Variants in TC2N observed in about 807,000 individuals in gnomAD.
TC2N encodes the protein tandem C2 domains nuclear protein.
In TC2N, 51 loss-of-function variants were observed where a neutral mutation model predicts 61.9. The ratio of observed to expected loss-of-function variants is 0.82; its 90% confidence interval spans 0.66 to 1.04. The LOEUF (loss-of-function observed/expected upper bound fraction) is 1.04, where lower values mean the gene tolerates loss of function less well. Among genes scored for constraint, TC2N ranks in the 50% least tolerant of loss-of-function variants. The pLI, the probability that TC2N is intolerant of heterozygous loss-of-function variation, is 0.00. For synonymous variants in TC2N, 204 were observed against 192.6 expected, an observed-to-expected ratio of 1.06 and a Z score of -0.49; for missense variants, 556 against 566.7, an observed-to-expected ratio of 0.98 and a Z score of 0.19.
chr14:91,844,593 C>G (rs1237101755), intron 1 of TC2N, among the ~76,000 whole-genome samples: 1 of 150,918 alleles, frequency 6.6e-6, no homozygotes, highest in Non-Finnish European at 1.5e-5. Context: ...GAAACCCCGT[C>G]TCTACTAAAA....
At chr14:91,789,629 A>G (rs1278269491) in intron 9 of TC2N, among the ~76,000 whole-genome samples, 1 of 148,330 alleles carries the variant, frequency 6.7e-6, no homozygotes, top group African/African-American at 2.5e-5. Context: ...AAAACAAAAA[A>G]AAAAAACAGA....
chr14:91,816,760 C>T (rs768048850), intron 1 of TC2N, among the ~76,000 whole-genome samples: 10 of 151,864 alleles, frequency 6.6e-5, no homozygotes, highest in Non-Finnish European at 1.3e-4. Flanking sequence ...AGCACAAACA[C>T]CACATATTAA....
intron 1 of TC2N, among the ~76,000 whole-genome samples, chr14:91,839,756 T>A (rs144228224): frequency 1.3e-5 from 2 of 152,362 alleles, no homozygotes; most frequent in Non-Finnish European, 2.9e-5. Context: ...AGCAGAAGCC[T>A]ATACATATTC....
rs1192098248 is a variant in TC2N, at chr14:91,781,139, A to C, written c.*1961T>G. The C allele has an allele frequency of 6.6e-6, 1 of 152,142 alleles. No homozygotes were observed. The highest frequency in any genetic ancestry group is 1.9e-4 in the East Asian group (1 of 5,206). 9.4% of individuals were successfully genotyped at this position (152,142 alleles called of 1,614,324 possible). On this transcript the variant is annotated 3_prime_UTR_variant, in exon 12 of 12. Transcript: ENST00000435962. Reference sequence around the variant, plus strand: ...TACATATATTAAATTTGGAAATTCAAAGCATTAATAGAACAGAGAAACCAG... The same window carrying C: ...TACATATATTAAATTTGGAAATTCACAGCATTAATAGAACAGAGAAACCAG...
Position 91,780,932 on chromosome 14 carries a change from A to C in TC2N, c.*2168T>G, listed in dbSNP as rs1885087561. ...AAACATTTAGGATCTTAGTTGTATC[A>C]ATACTTCTGTACCTGAAAGCTCTTT... On this transcript the variant is annotated 3_prime_UTR_variant, in exon 12 of 12. Transcript: ENST00000435962. The C allele has an allele frequency of 1.3e-5, 2 of 148,986 alleles. No homozygotes were observed. The highest frequency in any genetic ancestry group is 4.1e-4 in the South Asian group (2 of 4,830). The allele number at this position is 148,986 out of a possible 1,614,324, so 9.2% of individuals were successfully genotyped here.
At chr14:91,850,411 G>A (rs8005894) in intron 1 of TC2N, among the ~76,000 whole-genome samples, 74,361 of 152,020 alleles carry the variant, frequency 0.49, 18,521 homozygotes, top group African/African-American at 0.57. Context: ...CCCAGGCCAC[G>A]GATCAGTACC....
chr14:91,857,947 G>A (rs1323286832), intron 1 of TC2N, among the ~76,000 whole-genome samples: 1 of 151,038 alleles, frequency 6.6e-6, no homozygotes, highest in African/African-American at 2.4e-5. Context: ...GAATATTTGG[G>A]TTTTTGTTGT....
At chr14:91,845,870 G>A (rs553556809) in intron 1 of TC2N, among the ~76,000 whole-genome samples, 1 of 152,160 alleles carries the variant, frequency 6.6e-6, no homozygotes, top group Non-Finnish European at 1.5e-5. Flanking sequence ...CAGCCTCTGG[G>A]CTCAGGAGCC....
chr14:91,799,925 A>C (rs961015753), intron 5 of TC2N, among the ~76,000 whole-genome samples: 1 of 152,162 alleles, frequency 6.6e-6, no homozygotes, highest in Non-Finnish European at 1.5e-5. Context: ...AAAGTCCTAC[A>C]TCTCAAAAGA....
intron 1 of TC2N, among the ~76,000 whole-genome samples, chr14:91,866,890 G>A (rs1888714068): frequency 6.6e-6 from 1 of 152,242 alleles, no homozygotes; most frequent in Non-Finnish European, 1.5e-5. Flanking sequence ...CTCTAGAACT[G>A]TTTCCCAAAT....
At chr14:91,799,490 C>G (rs1458343220) in intron 5 of TC2N, among the ~76,000 whole-genome samples, 1 of 151,998 alleles carries the variant, frequency 6.6e-6, no homozygotes, top group East Asian at 1.9e-4. Flanking sequence ...CAAACTCAGG[C>G]CCTACTGCAG....
At chr14:91,863,265 A>C (rs1888629656) in intron 1 of TC2N, among the ~76,000 whole-genome samples, 1 of 152,272 alleles carries the variant, frequency 6.6e-6, no homozygotes, top group African/African-American at 2.4e-5. Flanking sequence ...TTACCAAACC[A>C]AACTGGAGTG....
chr14:91,835,690 T>TTGCAACCTAGCTGG (rs1887965994), intron 1 of TC2N, among the ~76,000 whole-genome samples: 1 of 152,230 alleles, frequency 6.6e-6, no homozygotes, highest in African/African-American at 2.4e-5. Flanking sequence ...CTGGGTAGAT[T>TTGCAACCTAGCTGG]GTGGTTTGCA....
chr14:91,823,453 G>A (rs1263519518), intron 1 of TC2N, among the ~76,000 whole-genome samples: 1 of 151,560 alleles, frequency 6.6e-6, no homozygotes, highest in African/African-American at 2.4e-5. Context: ...CCGGGAGGCG[G>A]AGGTTGCAGT....
chr14:91,785,160 A>T lies in TC2N; in HGVS notation c.1362+2T>A. ...TAAGGAAGGATAAAAACTCCTACTA[A>T]CCTGGCCCACAAAGTGTTTTCTTCT... On this transcript the variant is annotated splice_donor_variant, in intron 11 of 11. Transcript: ENST00000435962. LOFTEE classifies it high-confidence loss of function. 6.2e-7 allele frequency: 1 copy of T among 1,608,782 alleles called. No individual in the cohort carries two copies. The highest frequency in any genetic ancestry group is 8.5e-7 in the Non-Finnish European group (1 of 1,175,998).
At chr14:91,834,020 T>G (rs1223833033) in intron 1 of TC2N, among the ~76,000 whole-genome samples, 3 of 152,192 alleles carry the variant, frequency 2.0e-5, no homozygotes, top group Non-Finnish European at 2.9e-5. Flanking sequence ...TAATAATAAT[T>G]GAAGCAAAGG....
At chr14:91,827,358 AT>A (rs1296833802) in intron 1 of TC2N, among the ~76,000 whole-genome samples, 1 of 152,178 alleles carries the variant, frequency 6.6e-6, no homozygotes, top group Non-Finnish European at 1.5e-5. Flanking sequence ...GCAGGGCTGC[AT>A]TACTTCTGGA....
At chr14:91,835,192 C>T (rs747830572) in intron 1 of TC2N, among the ~76,000 whole-genome samples, 1 of 152,134 alleles carries the variant, frequency 6.6e-6, no homozygotes, top group Non-Finnish European at 1.5e-5. Flanking sequence ...TGGCCTCTTC[C>T]TCAGTTATGA....
intron 11 of TC2N, among the ~76,000 whole-genome samples, chr14:91,784,186 C>T (rs777500477): frequency 3.3e-5 from 5 of 152,064 alleles, no homozygotes; most frequent in Non-Finnish European, 7.4e-5. Flanking sequence ...CAAATGTTAT[C>T]ATGAAAATCA....
Sources: allele counts gnomAD v4.1 joint callset (sites outside exome capture counted in the v4.1 genomes callset), GRCh38; gene constraint gnomAD v4.1.1; transcripts MANE v1.5; gene names NCBI Gene and HGNC (gene_info 2026-07-23, HGNC 2026-07-21).